VAV3: variants seen among roughly 807,000 people sequenced by gnomAD.
VAV3 encodes the protein guanine nucleotide exchange factor VAV3.
Under a neutral mutation model 131.2 loss-of-function variants are expected in VAV3, and 94 were observed. The observed-to-expected ratio is 0.72, with a 90% CI of 0.61 to 0.85. VAV3 has a LOEUF of 0.85. Ranked by LOEUF, VAV3 falls within the 40% of genes least tolerant of loss-of-function variation. VAV3 has a pLI of 0.00. For synonymous variants in VAV3, 349 were observed against 342.0 expected, an observed-to-expected ratio of 1.02 and a Z score of -0.22; for missense variants, 939 against 1,002.7, an observed-to-expected ratio of 0.94 and a Z score of 0.86.
At chr1:107,761,145 T>C (rs1664392259) in intron 9 of VAV3, among the ~76,000 whole-genome samples, 1 of 152,098 alleles carries the variant, frequency 6.6e-6, no homozygotes, top group Non-Finnish European at 1.5e-5. Context: ...ATCCCAGCAC[T>C]TTGGGAGGCC....
intron 1 of VAV3, among the ~76,000 whole-genome samples, chr1:107,897,824 C>T (rs551667597): frequency 3.7e-4 from 57 of 152,264 alleles, no homozygotes; most frequent in African/African-American, 1.3e-3. Flanking sequence ...GGATAGTACA[C>T]ATTAAGACAT....
chr1:107,625,376 T>G (rs1211474448), intron 20 of VAV3, among the ~76,000 whole-genome samples: 1 of 151,970 alleles, frequency 6.6e-6, no homozygotes, highest in African/African-American at 2.4e-5. Context: ...AAGTAATTCT[T>G]CTGCCTCAGT....
At chr1:107,937,178 G>T (rs944942809) in intron 1 of VAV3, among the ~76,000 whole-genome samples, 3 of 152,100 alleles carry the variant, frequency 2.0e-5, no homozygotes, top group African/African-American at 7.2e-5. Context: ...AATATTTGGC[G>T]ATCTGAAAAA....
At chr1:107,669,384 T>C in intron 19 of VAV3, 1 of 1,289,772 alleles carries the variant, frequency 7.8e-7, no homozygotes, top group Non-Finnish European at 1.0e-6. Flanking sequence ...ACCCATGTCC[T>C]CAGAATTTCT....
At chr1:107,717,841 T>C (rs958782485) in intron 15 of VAV3, among the ~76,000 whole-genome samples, 1 of 152,198 alleles carries the variant, frequency 6.6e-6, no homozygotes, top group African/African-American at 2.4e-5. Flanking sequence ...AATGGGGTGT[T>C]AAAGTTTCCC....
chr1:107,771,964 C>T (rs1238554322), intron 5 of VAV3, among the ~76,000 whole-genome samples: 1 of 152,218 alleles, frequency 6.6e-6, no homozygotes, highest in Non-Finnish European at 1.5e-5. Flanking sequence ...ACAGAAGCTA[C>T]TGGACAGCCC....
At chr1:107,795,087 T>C (rs1666472616) in intron 2 of VAV3, among the ~76,000 whole-genome samples, 1 of 152,198 alleles carries the variant, frequency 6.6e-6, no homozygotes, top group Non-Finnish European at 1.5e-5. Flanking sequence ...CAGAGGTATT[T>C]GGGGGCCACC....
chr1:107,897,269 A>T (rs1343287937), intron 1 of VAV3: 1 of 150,840 alleles, frequency 6.6e-6, no homozygotes, highest in Non-Finnish European at 1.5e-5. Context: ...CTACTTTCAT[A>T]TGTAGGCATA....
chr1:107,814,335 T>C (rs1396588811), intron 2 of VAV3, among the ~76,000 whole-genome samples: 2 of 152,178 alleles, frequency 1.3e-5, no homozygotes, highest in African/African-American at 2.4e-5. Context: ...TTTTTAGTAA[T>C]AGCCACTCTA....
chr1:107,646,396 A>G (rs544735838), intron 19 of VAV3, among the ~76,000 whole-genome samples: 51 of 152,084 alleles, frequency 3.4e-4, no homozygotes, highest in Admixed American at 7.2e-4. Flanking sequence ...AGTGTTGCTC[A>G]CCCAAATATG....
intron 2 of VAV3, among the ~76,000 whole-genome samples, chr1:107,810,694 A>G (rs1667275716): frequency 6.6e-6 from 1 of 152,184 alleles, no homozygotes; most frequent in Non-Finnish European, 1.5e-5. Flanking sequence ...CTATTTTTCT[A>G]TACAAGCATA....
intron 25 of VAV3, among the ~76,000 whole-genome samples, chr1:107,594,955 G>A (rs896006065): frequency 3.9e-5 from 6 of 152,018 alleles, no homozygotes; most frequent in Non-Finnish European, 5.9e-5. Context: ...ACAGAGCTTC[G>A]AAAATTACAT....
At chr1:107,956,806 T>G (rs1674837836) in intron 1 of VAV3, among the ~76,000 whole-genome samples, 1 of 152,054 alleles carries the variant, frequency 6.6e-6, no homozygotes, top group Non-Finnish European at 1.5e-5. Context: ...CTCCATTACA[T>G]TCAGCAGCTC....
intron 2 of VAV3, among the ~76,000 whole-genome samples, chr1:107,866,840 AAAAAAAAAT>A (rs1670010751): frequency 6.6e-6 from 1 of 151,124 alleles, no homozygotes; most frequent in Non-Finnish European, 1.5e-5. Flanking sequence ...AAAAAAAAAA[AAAAAAAAAT>A]AGGGCATTTG....
intron 2 of VAV3, among the ~76,000 whole-genome samples, chr1:107,797,038 C>G (rs985272562): frequency 3.3e-5 from 5 of 152,018 alleles, no homozygotes; most frequent in Non-Finnish European, 5.9e-5. Context: ...TAGCAGTCCT[C>G]AAATTACTAC....
intron 1 of VAV3, among the ~76,000 whole-genome samples, chr1:107,907,887 T>C (rs1339306267): frequency 1.3e-5 from 2 of 152,086 alleles, no homozygotes; most frequent in Non-Finnish European, 2.9e-5. Flanking sequence ...AAAACAAACA[T>C]AGACAGTAAC....
At chr1:107,685,402 C>A (rs1658947419) in intron 18 of VAV3, among the ~76,000 whole-genome samples, 2 of 152,184 alleles carry the variant, frequency 1.3e-5, no homozygotes, top group South Asian at 4.1e-4. Context: ...ACCTTAAATG[C>A]TTGGAACAGT....
At chr1:107,892,158 G>A (rs1272337082) in intron 1 of VAV3, among the ~76,000 whole-genome samples, 1 of 152,136 alleles carries the variant, frequency 6.6e-6, no homozygotes, top group Non-Finnish European at 1.5e-5. Context: ...ATTGTTAGCA[G>A]AATTGTCATT....
At chr1:107,784,139 G>A (rs939703490) in intron 2 of VAV3, among the ~76,000 whole-genome samples, 5 of 151,918 alleles carry the variant, frequency 3.3e-5, no homozygotes, top group Admixed American at 3.3e-4. Flanking sequence ...CATAAAAGAT[G>A]CCCTTCACAC....
Sources: allele counts gnomAD v4.1 joint callset (sites outside exome capture counted in the v4.1 genomes callset), GRCh38; gene constraint gnomAD v4.1.1; transcripts MANE v1.5; gene names NCBI Gene and HGNC (gene_info 2026-07-23, HGNC 2026-07-21).